Variants in MFHAS1 observed in about 807,000 individuals in gnomAD.
MFHAS1 encodes the protein multifunctional ROCO family signaling regulator 1.
In MFHAS1, 50 loss-of-function variants were observed where a neutral mutation model predicts 70.4. The ratio of observed to expected loss-of-function variants is 0.71; its 90% CI spans 0.57 to 0.90. The LOEUF is 0.90. Among genes scored for constraint, MFHAS1 ranks in the 40% least tolerant of loss-of-function variants. The pLI, the probability that MFHAS1 is intolerant of heterozygous loss-of-function variation, is 0.00. For missense variants in MFHAS1, 1,795 were observed against 1,347.6 expected, an observed-to-expected ratio of 1.33 and a Z score of -5.20; for synonymous variants, 952 against 620.0, an observed-to-expected ratio of 1.54 and a Z score of -7.96.
intron 1 of MFHAS1, among the ~76,000 whole-genome samples, chr8:8,834,294 T>A (rs1807519571): frequency 6.6e-6 from 1 of 152,182 alleles, no homozygotes; most frequent in South Asian, 2.1e-4. Flanking sequence ...CTCAATTTTT[T>A]AAAATAAATT....
chr8:8,881,289 T>C (rs1054543643), intron 1 of MFHAS1, among the ~76,000 whole-genome samples: 2 of 152,246 alleles, frequency 1.3e-5, no homozygotes, highest in African/African-American at 2.4e-5. Flanking sequence ...GTTTCCTTCT[T>C]GGTCTCCAGA....
intron 1 of MFHAS1, among the ~76,000 whole-genome samples, chr8:8,840,946 G>C (rs1807798942): frequency 6.6e-6 from 1 of 151,962 alleles, no homozygotes; most frequent in African/African-American, 2.4e-5. Flanking sequence ...TTCTCATATT[G>C]GATTTGTTTT....
At chr8:8,840,893 T>A (rs115787335) in intron 1 of MFHAS1, among the ~76,000 whole-genome samples, 1 of 152,224 alleles carries the variant, frequency 6.6e-6, no homozygotes, top group Non-Finnish European at 1.5e-5. Context: ...AAATATCTTA[T>A]AAATCCTTTA....
At chr8:8,817,710 G>C (rs917653189) in intron 1 of MFHAS1, among the ~76,000 whole-genome samples, 1 of 152,244 alleles carries the variant, frequency 6.6e-6, no homozygotes, top group Non-Finnish European at 1.5e-5. Context: ...TGGCGGAGGA[G>C]GGGGATGGTT....
In MFHAS1 at chr8:8,876,218, C is replaced by G. The variant is rs180869790; in HGVS notation, c.2998+13843G>C. Among the ~76,000 whole-genome samples the G allele has an allele frequency of 2.8e-3, 434 of 152,292 alleles. 1 individual carries two copies. The highest frequency in any genetic ancestry group is 0.01 in the African/African-American group (421 of 41,562). ...GGGATTAGAGCCCAGCAGTCTACTC[C>G]AAGAGCTCTTGCAACTAACCACCAT... is the stretch of plus-strand genomic sequence containing the variant. On this transcript the variant is annotated intron_variant, in intron 1 of 2. Transcript: ENST00000276282.
Position 8,878,682 on chromosome 8 carries a change from A to G in MFHAS1, c.2998+11379T>C, listed in dbSNP as rs530304155. Among the ~76,000 whole-genome samples the G allele has an allele frequency of 4.0e-5, 6 of 151,078 alleles. No homozygotes were observed. In the East Asian group the frequency reaches 1.2e-3, roughly 30 times the overall value. ...TCTTTTCAAAAAAAGAAAAAAAAAA[A>G]GGAAAAAAGGAGGGAAGGACAGAAA... On this transcript the variant is annotated intron_variant, in intron 1 of 2. Coordinates refer to ENST00000276282, the MANE Select transcript of MFHAS1 (RefSeq NM_004225.3).
At chr8:8,889,485 G>A (rs1323808642) in intron 1 of MFHAS1, among the ~76,000 whole-genome samples, 1 of 152,236 alleles carries the variant, frequency 6.6e-6, no homozygotes, top group Non-Finnish European at 1.5e-5. Flanking sequence ...CTGAATGTAA[G>A]CAGAGTGCTT....
chr8:8,864,102 C>CT (rs1563210033), intron 1 of MFHAS1, among the ~76,000 whole-genome samples: 1 of 152,238 alleles, frequency 6.6e-6, no homozygotes, highest in Non-Finnish European at 1.5e-5. Flanking sequence ...GGATTTGAGA[C>CT]TGAGCTCCCA....
rs1176172720 is a variant in MFHAS1, at chr8:8,892,525, G to A, written c.534C>T (p.Ser178=). Residue 178 remains serine, a synonymous_variant, in exon 1 of 3, where the codon TCC becomes TCT. Coordinates refer to ENST00000276282, the MANE Select transcript of MFHAS1 (RefSeq NM_004225.3). The surrounding 1 kb of genome is among the most constrained non-coding windows in gnomAD (Gnocchi z 4.7). ...NRLAHLPDSL[S]CLSRLRTLDV... Reference sequence around the variant, plus strand: ...CCAGGGTGCGCAGGCGGGAGAGGCAGGAGAGGGAGTCAGGCAGGTGCGCCA... The same window carrying A: ...CCAGGGTGCGCAGGCGGGAGAGGCAAGAGAGGGAGTCAGGCAGGTGCGCCA... 6.3e-7 allele frequency: 1 copy of A among 1,597,300 alleles called. No homozygotes were observed.
Position 8,893,289 on chromosome 8 carries a change from G to A in MFHAS1, c.-231C>T, listed in dbSNP as rs980661617. 3 of 151,838 alleles carry A rather than the reference G, an allele frequency of 2.0e-5. No homozygotes were observed. Among genetic ancestry groups the A allele is most frequent in the African/African-American group, 4.9e-5 (2 of 40,800 alleles). The allele number at this position is 151,838 out of a possible 1,614,324, so 9.4% of individuals were successfully genotyped here. A position where few individuals can be genotyped will look rare whatever the true frequency, so the allele number is the denominator to read the frequency against. The stretch of plus-strand genomic sequence containing the variant: ...GTGGAGAGCAGCTTGCATTCTCCCT[G>A]CGGCCGGGCCATGGGCGCGCCGGGC... On this transcript the variant is annotated 5_prime_UTR_variant, in exon 1 of 3. The change creates a premature stop within an existing upstream ORF in the 5' untranslated region. Coordinates refer to ENST00000276282, the MANE Select transcript of MFHAS1 (RefSeq NM_004225.3).
chr8:8,823,970 G>A (rs998082306), intron 1 of MFHAS1, among the ~76,000 whole-genome samples: 7 of 141,968 alleles, frequency 4.9e-5, no homozygotes, highest in African/African-American at 1.6e-4. Flanking sequence ...AGAAAACAAC[G>A]GGAAATCATA....
At chr8:8,788,130 A>T (rs1585014484) in intron 2 of MFHAS1, among the ~76,000 whole-genome samples, 1 of 152,280 alleles carries the variant, frequency 6.6e-6, no homozygotes, top group Admixed American at 6.5e-5. Flanking sequence ...ACCATGTTTC[A>T]ATTATAATTA....
intron 2 of MFHAS1, among the ~76,000 whole-genome samples, chr8:8,794,730 CT>C (rs149620016): frequency 1.3e-5 from 2 of 151,314 alleles, no homozygotes; most frequent in African/African-American, 2.4e-5. Flanking sequence ...TTTCATGAGA[CT>C]TTTTTTTTAA....
intron 1 of MFHAS1, among the ~76,000 whole-genome samples, chr8:8,799,253 TACA>T (rs1027017956): frequency 6.6e-6 from 1 of 152,096 alleles, no homozygotes; most frequent in African/African-American, 2.4e-5. Flanking sequence ...GTAAGAAATT[TACA>T]ACAATAAATA....
In MFHAS1 at chr8:8,891,649, G is replaced by A. The variant is rs1189496694; in HGVS notation, c.1410C>T (p.Gly470=). Residue 470 remains glycine (G), a synonymous_variant, in exon 1 of 3, where the codon GGC becomes GGT. Coordinates refer to ENST00000276282, the MANE Select transcript of MFHAS1 (RefSeq NM_004225.3). The surrounding 1 kb of genome is among the most constrained non-coding windows in gnomAD (Gnocchi z 5.4). ...CTAAGTCATACACGATGAACCGCAG[G>A]CCCCGGGAGGCATCGGCCGTCCAGC... ...VTSWTADASR[G]LRFIVYDLAG... 5 of 1,613,504 alleles carry A rather than the reference G, an allele frequency of 3.1e-6. No individual in the cohort carries two copies. In the African/African-American group the frequency reaches 6.7e-5, roughly 22 times the overall value.
At chr8:8,851,771 CA>C (rs1266374607) in intron 1 of MFHAS1, among the ~76,000 whole-genome samples, 4 of 152,040 alleles carry the variant, frequency 2.6e-5, no homozygotes, top group Non-Finnish European at 4.4e-5. Flanking sequence ...TTAATCCAAC[CA>C]AAACACTTAA....
intron 1 of MFHAS1, among the ~76,000 whole-genome samples, chr8:8,847,892 C>G (rs774177487): frequency 2.0e-5 from 3 of 152,164 alleles, no homozygotes; most frequent in African/African-American, 7.2e-5. Context: ...CAATTTCACA[C>G]CACAGTTATG....
intron 1 of MFHAS1, among the ~76,000 whole-genome samples, chr8:8,815,035 G>T (rs912728898): frequency 6.6e-6 from 1 of 151,906 alleles, no homozygotes; most frequent in Admixed American, 6.6e-5. Context: ...CCCCCACACA[G>T]GCCCCAGTGT....
At chr8:8,857,413 G>T (rs1563206716) in intron 1 of MFHAS1, among the ~76,000 whole-genome samples, 1 of 151,988 alleles carries the variant, frequency 6.6e-6, no homozygotes, top group South Asian at 2.1e-4. Context: ...CTGGGCTTAG[G>T]TCCTTTCTTT....
Sources: gnomAD v4.1 joint callset for allele counts (sites outside exome capture counted in the v4.1 genomes callset) on GRCh38, gnomAD v4.1.1 for gene constraint, Gnocchi (gnomAD v3.1) non-coding constraint, MANE v1.5 for transcripts, NCBI Gene and HGNC (gene_info 2026-07-23, HGNC 2026-07-21) for gene names.